SGCZ: variants seen among roughly 807,000 people sequenced by gnomAD.
SGCZ encodes sarcoglycan zeta, also known as zeta-sarcoglycan.
A neutral mutation model predicts 41.3 loss-of-function variants in SGCZ; 40 were observed. The observed-to-expected ratio is 0.97, with a 90% CI of 0.75 to 1.26. The LOEUF is 1.26. Ranked by LOEUF, SGCZ falls within the 50% of genes most tolerant of loss-of-function variation. The pLI is 0.00. For missense variants in SGCZ, 552 were observed against 369.8 expected, an observed-to-expected ratio of 1.49 and a Z score of -4.04; for synonymous variants, 206 against 137.5, an observed-to-expected ratio of 1.50 and a Z score of -3.49.
intron 6 of SGCZ, among the ~76,000 whole-genome samples, chr8:14,106,606 T>C (rs1802212030): frequency 6.6e-6 from 1 of 152,234 alleles, no homozygotes; most frequent in African/African-American, 2.4e-5. Context: ...TTAAAGATTT[T>C]CAACTTTATT....
intron 7 of SGCZ, among the ~76,000 whole-genome samples, chr8:14,091,817 G>A (rs1485888936): frequency 6.6e-6 from 1 of 152,164 alleles, no homozygotes; most frequent in Non-Finnish European, 1.5e-5. Context: ...TTGCTGGGCA[G>A]AAGCACTTTA....
intron 1 of SGCZ, among the ~76,000 whole-genome samples, chr8:14,930,233 A>C (rs1483432475): frequency 6.6e-6 from 1 of 152,114 alleles, no homozygotes; most frequent in South Asian, 2.1e-4. Flanking sequence ...AAACATATGA[A>C]AAAAAGCTCA....
intron 1 of SGCZ, among the ~76,000 whole-genome samples, chr8:15,052,144 G>C (rs1476356354): frequency 6.6e-6 from 1 of 152,130 alleles, no homozygotes; most frequent in African/African-American, 2.4e-5. Context: ...ATCAAGAGGA[G>C]GAGAGAAAGA....
chr8:14,697,968 C>T (rs1009588779), intron 1 of SGCZ, among the ~76,000 whole-genome samples: 1 of 151,888 alleles, frequency 6.6e-6, no homozygotes, highest in Non-Finnish European at 1.5e-5. Flanking sequence ...TCAACCACTT[C>T]GGTATTTGTT....
chr8:14,485,647 T>G (rs1385893219), intron 2 of SGCZ, among the ~76,000 whole-genome samples: 1 of 152,046 alleles, frequency 6.6e-6, no homozygotes, highest in East Asian at 1.9e-4. Flanking sequence ...GAGACATGCG[T>G]GAGGACAGGG....
intron 2 of SGCZ, among the ~76,000 whole-genome samples, chr8:14,363,517 C>CTTTCT (rs145768724): frequency 6.6e-6 from 1 of 152,072 alleles, no homozygotes; most frequent in Non-Finnish European, 1.5e-5. Context: ...CAGATGGTAT[C>CTTTCT]TTTCTTTTCT....
chr8:14,571,130 G>T (rs1804539269), intron 1 of SGCZ, among the ~76,000 whole-genome samples: 1 of 152,132 alleles, frequency 6.6e-6, no homozygotes, highest in Non-Finnish European at 1.5e-5. Context: ...AATCTTGGTG[G>T]AAGGTGAAGG....
chr8:14,490,965 AT>A (rs1306804767), intron 2 of SGCZ, among the ~76,000 whole-genome samples: 1 of 152,242 alleles, frequency 6.6e-6, no homozygotes, highest in Non-Finnish European at 1.5e-5. Flanking sequence ...ATATACCGAT[AT>A]TCATCAAAAA....
intron 1 of SGCZ, among the ~76,000 whole-genome samples, chr8:15,096,058 G>C (rs1806333798): frequency 1.3e-5 from 2 of 151,884 alleles, no homozygotes; most frequent in African/African-American, 4.8e-5. Flanking sequence ...ACGAGAAGTA[G>C]TTTCTTTTTT....
At chr8:14,628,185 G>A (rs185734798) in intron 1 of SGCZ, among the ~76,000 whole-genome samples, 59 of 152,108 alleles carry the variant, frequency 3.9e-4, no homozygotes, top group African/African-American at 1.3e-3. Context: ...CAAGGTGGGG[G>A]TTGCTGTTTG....
intron 1 of SGCZ, among the ~76,000 whole-genome samples, chr8:14,921,037 G>C (rs980879960): frequency 6.6e-6 from 1 of 152,150 alleles, no homozygotes; most frequent in Non-Finnish European, 1.5e-5. Context: ...TGGATTTAGG[G>C]TAAAAAGGTC....
At chr8:14,290,696 T>C (rs950008558) in intron 3 of SGCZ, among the ~76,000 whole-genome samples, 1 of 151,318 alleles carries the variant, frequency 6.6e-6, no homozygotes. Context: ...CCAGTGTCAA[T>C]AAGAATGTGG....
intron 2 of SGCZ, among the ~76,000 whole-genome samples, chr8:14,455,703 G>T (rs1250967671): frequency 6.6e-6 from 1 of 152,182 alleles, no homozygotes; most frequent in African/African-American, 2.4e-5. Flanking sequence ...CAATGCAAAT[G>T]ACCATACTTA....
intron 2 of SGCZ, among the ~76,000 whole-genome samples, chr8:14,440,731 GTATATATGTATA>G (rs1800230588): frequency 2.7e-5 from 2 of 74,602 alleles, no homozygotes; most frequent in Non-Finnish European, 6.7e-5. Flanking sequence ...ACACGTATAT[GTATATATGTATA>G]TACATACGTA....
intron 1 of SGCZ, among the ~76,000 whole-genome samples, chr8:14,753,149 C>T (rs550954083): frequency 1.4e-3 from 209 of 152,248 alleles, no homozygotes; most frequent in South Asian, 2.5e-3. Flanking sequence ...TAATAATGGG[C>T]TCTATCCTTA....
intron 5 of SGCZ, among the ~76,000 whole-genome samples, chr8:14,141,209 C>A (rs1803358821): frequency 6.6e-6 from 1 of 152,070 alleles, no homozygotes; most frequent in Non-Finnish European, 1.5e-5. Context: ...GACCTAAAAC[C>A]ATAAAAACCC....
intron 1 of SGCZ, among the ~76,000 whole-genome samples, chr8:14,894,204 AT>A (rs199731606): frequency 2.6e-5 from 4 of 151,350 alleles, no homozygotes; most frequent in East Asian, 1.9e-4. Flanking sequence ...CTTTGCTGTT[AT>A]TTTTTTTTCA....
chr8:14,427,492 G>T (rs1799820165), intron 2 of SGCZ, among the ~76,000 whole-genome samples: 1 of 151,670 alleles, frequency 6.6e-6, no homozygotes. Flanking sequence ...ATTTTAGGGG[G>T]GTTCCCACTC....
chr8:15,235,008 T>C (rs1035188767), intron 1 of SGCZ, among the ~76,000 whole-genome samples: 1 of 152,184 alleles, frequency 6.6e-6, no homozygotes. Context: ...TGTGGATGTG[T>C]TTTAATGTAA....
Sources: gnomAD v4.1 joint callset for allele counts (sites outside exome capture counted in the v4.1 genomes callset) on GRCh38, gnomAD v4.1.1 for gene constraint, MANE v1.5 for transcripts, NCBI Gene and HGNC (gene_info 2026-07-23, HGNC 2026-07-21) for gene names.